Variants in SLCO4A1 observed in about 807,000 individuals in gnomAD.
SLCO4A1 encodes colon organic anion transporter.
SLCO4A1 carries 51 observed loss-of-function variants against 64.6 expected under a neutral mutation model. The ratio of observed to expected loss-of-function variants is 0.79; its 90% CI spans 0.63 to 1.00. The LOEUF (loss-of-function observed/expected upper bound fraction) is 1.00, where lower values mean the gene tolerates loss of function less well. Among genes scored for constraint, SLCO4A1 ranks in the 50% least tolerant of loss-of-function variants. The pLI is 0.00. For missense variants in SLCO4A1, 919 were observed against 980.5 expected, an observed-to-expected ratio of 0.94 and a Z score of 0.84; for synonymous variants, 471 against 444.9, an observed-to-expected ratio of 1.06 and a Z score of -0.74.
intron 2 of SLCO4A1, among the ~76,000 whole-genome samples, chr20:62,678,669 C>T (rs369186618): frequency 6.6e-6 from 1 of 152,024 alleles, no homozygotes; most frequent in African/African-American, 2.4e-5. Context: ...TTGGAAACCA[C>T]CCAAATGTCC....
intron 7 of SLCO4A1, chr20:62,666,782 G>A (rs1025057591): frequency 5.1e-6 from 3 of 593,042 alleles, no homozygotes; most frequent in Non-Finnish European, 9.0e-6. Context: ...CAGTGCCTGC[G>A]CTTGGGTCCC....
intron 9 of SLCO4A1, 26 bp from the exon 10 acceptor site, chr20:62,668,451 G>A (rs775551986): frequency 1.2e-6 from 2 of 1,612,982 alleles, no homozygotes; most frequent in East Asian, 2.2e-5. Flanking sequence ...TTCTGTGGGT[G>A]CTGACGCTGT....
intron 11 of SLCO4A1, among the ~76,000 whole-genome samples, chr20:62,671,176 G>A (rs948923711): frequency 1.3e-5 from 2 of 152,240 alleles, no homozygotes; most frequent in Non-Finnish European, 2.9e-5. Context: ...GTGGTGACCG[G>A]CGACTGGCTC....
At position 62,645,722 on chromosome 20, in the gene SLCO4A1, G is replaced by A. The variant is rs1262750162; in HGVS notation, c.-97+3169G>A. Among the ~76,000 whole-genome samples, 2 of 151,960 alleles carry A rather than the reference G, an allele frequency of 1.3e-5. No homozygotes were observed. The highest frequency in any genetic ancestry group is 2.9e-5 in the Non-Finnish European group (2 of 67,966). On this transcript the variant is annotated intron_variant, in intron 1 of 11. Transcript: ENST00000217159. This position sits in a 1 kb window ranked among gnomAD's most constrained non-coding sequence, Gnocchi z 4.2. ...TAGCCCAAGCGTAGGGTGAGACTTGGCACCAGTGGCTGGGGTCGCTTTTGG... is the reference window on the plus strand; with the variant it reads ...TAGCCCAAGCGTAGGGTGAGACTTGACACCAGTGGCTGGGGTCGCTTTTGG...
At chr20:62,674,283 C>T (rs550315272), downstream of SLCO4A1, among the ~76,000 whole-genome samples, 8 of 152,270 alleles carry the variant, frequency 5.3e-5, no homozygotes, top group Non-Finnish European at 1.2e-4. Flanking sequence ...ACTGAGCATC[C>T]GTGTGGAGGT....
Position 62,656,625 on chromosome 20 carries a change from G to A in SLCO4A1, c.171G>A (p.Gln57=). The change falls in exon 2 of 12, where the codon CAG becomes CAA. Residue 57 remains glutamine (Q), a synonymous_variant. Transcript: ENST00000217159. ...ATAGCCCCCTGGACACCAGCAAGCAGCCCCTCTGCCAGCTCTGGGCCGAGA... is the reference window on the plus strand; with the variant it reads ...ATAGCCCCCTGGACACCAGCAAGCAACCCCTCTGCCAGCTCTGGGCCGAGA... ...AAHSPLDTSK[Q]PLCQLWAEKH... is the part of the protein sequence containing the mutation. 3 of 1,600,914 alleles carry A rather than the reference G, an allele frequency of 1.9e-6. No individual in the cohort carries two copies. The highest frequency in any genetic ancestry group is 1.1e-5 in the South Asian group (1 of 89,432).
In SLCO4A1 at chr20:62,656,272, C is replaced by A. The variant is rs1193276364; in HGVS notation, c.-96-87C>A. 5.1e-6 allele frequency: 3 copies of A among 591,906 alleles called. No homozygotes were observed. The East Asian group carries it at 8.6e-5, about 17-fold the overall frequency. The allele number at this position is 591,906 out of a possible 1,614,324, so 36.7% of individuals were successfully genotyped here. ...GGCAGGCAGAGCTTTGAGCCACCCC[C>A]GTGATGGGTGTGCTGGAATGTTCCC... is the stretch of plus-strand genomic sequence containing the variant. On this transcript the variant is annotated intron_variant, in intron 1 of 11. Transcript: ENST00000217159.
rs567670164 is a variant in SLCO4A1 at position 62,657,104 on chromosome 20, C to A, written c.650C>A (p.Ala217Glu). The A allele has an allele frequency of 1.3e-6, 2 of 1,593,550 alleles. No homozygotes were observed. The highest frequency in any genetic ancestry group is 1.7e-6 in the Non-Finnish European group (2 of 1,172,266). The change falls in exon 2 of 12, where the codon GCG becomes GAG. Residue 217 changes from alanine to glutamate, a missense_variant. By Grantham distance (107) the Ala-to-Glu change is moderately radical. Transcript: ENST00000217159. ...CCTGCCAACCCCGGCGCGGTGTGTGCGGACAGCACCTCGGGCCTGTCCCGC... is the reference window on the plus strand; with the variant it reads ...CCTGCCAACCCCGGCGCGGTGTGTGAGGACAGCACCTCGGGCCTGTCCCGC... ...TCPANPGAVC[A>E]DSTSGLSRYQ...
At chr20:62,688,087 T>C (rs1325502433), downstream of SLCO4A1, among the ~76,000 whole-genome samples, 2 of 152,004 alleles carry the variant, frequency 1.3e-5, no homozygotes, top group Non-Finnish European at 2.9e-5. Flanking sequence ...CCAACTTCAT[T>C]GCCTTCCAGG....
downstream of SLCO4A1, among the ~76,000 whole-genome samples, chr20:62,688,403 TCA>T (rs1037949205): frequency 6.6e-6 from 1 of 151,780 alleles, no homozygotes; most frequent in Admixed American, 6.6e-5. Context: ...ATGACCCCAC[TCA>T]CCCCTGACCC....
At position 62,657,062 on chromosome 20, in the gene SLCO4A1, C is replaced by G. The variant is rs373700521; in HGVS notation, c.608C>G (p.Ala203Gly). The G allele has an allele frequency of 6.3e-7, 1 of 1,598,636 alleles. No individual in the cohort carries two copies. Among genetic ancestry groups the G allele is most frequent in the Non-Finnish European group, 8.5e-7 (1 of 1,171,588 alleles). ...TAGRYEVELD[A>G]GVRTCPANPG... Reference sequence around the variant, plus strand: ...GGCCGCTATGAGGTGGAGTTGGACGCGGGTGTCAGGACGTGCCCTGCCAAC... The same window carrying G: ...GGCCGCTATGAGGTGGAGTTGGACGGGGGTGTCAGGACGTGCCCTGCCAAC... Residue 203 changes from alanine (A) to glycine (G), a missense_variant, in exon 2 of 12, where the codon GCG becomes GGG. Transcript: ENST00000217159.
chr20:62,642,706 G>A (rs1305219868), intron 1 of SLCO4A1, among the ~76,000 whole-genome samples, 153 bp downstream of exon 1: 1 of 152,072 alleles, frequency 6.6e-6, no homozygotes, highest in Non-Finnish European at 1.5e-5. Flanking sequence ...CGAGCGCCCC[G>A]AGCCTCTCCG....
chr20:62,688,293 C>T (rs1295681303), downstream of SLCO4A1, among the ~76,000 whole-genome samples: 1 of 152,146 alleles, frequency 6.6e-6, no homozygotes, highest in African/African-American at 2.4e-5. Context: ...CCCGCGGCCC[C>T]CCACGAGGCC....
At chr20:62,673,226 TC>T (rs1987407257), downstream of SLCO4A1, among the ~76,000 whole-genome samples, 2 of 141,340 alleles carry the variant, frequency 1.4e-5, 1 homozygote, top group Admixed American at 1.4e-4. Flanking sequence ...GGGAGAAACT[TC>T]CCGAGGGAGG....
intron 2 of SLCO4A1, among the ~76,000 whole-genome samples, chr20:62,678,967 C>T (rs919367480): frequency 6.6e-6 from 1 of 152,170 alleles, no homozygotes; most frequent in African/African-American, 2.4e-5. Context: ...GCCTATAATG[C>T]CAGCACTTTG....
chr20:62,686,582 C>T (rs1988066678), downstream of SLCO4A1, among the ~76,000 whole-genome samples: 1 of 152,242 alleles, frequency 6.6e-6, no homozygotes, highest in Admixed American at 6.5e-5. Flanking sequence ...TCCCTGCCAG[C>T]TGAACACCAT....
chr20:62,645,838 C>T lies in SLCO4A1; in HGVS notation c.-97+3285C>T, dbSNP rs1331440598. The stretch of plus-strand genomic sequence containing the variant: ...GCCTTTTCTTGGTGGTTTTTCTAAT[C>T]TGGCAAGCCTTGGGGGGCACCTGAG... On this transcript the variant is annotated intron_variant, in intron 1 of 11. Coordinates refer to ENST00000217159, the MANE Select transcript of SLCO4A1 (RefSeq NM_016354.4). This position sits in a 1 kb window ranked among gnomAD's most constrained non-coding sequence, Gnocchi z 4.2. 6.6e-6 allele frequency among the ~76,000 whole-genome samples: 1 copy of T among 151,840 alleles called. No individual in the cohort carries two copies. The highest frequency in any genetic ancestry group is 1.5e-5 in the Non-Finnish European group (1 of 67,950).
At chr20:62,679,857 T>C (rs867236872) in intron 2 of SLCO4A1, among the ~76,000 whole-genome samples, 3 of 152,246 alleles carry the variant, frequency 2.0e-5, no homozygotes, top group Non-Finnish European at 4.4e-5. Flanking sequence ...ACTCCTCTGT[T>C]AAAACGTCAG....
At position 62,671,702 on chromosome 20, in the gene SLCO4A1, G is replaced by C. The variant is rs370573933; in HGVS notation, c.2026-48G>C. ...GGGACAGGCCCACCAGTATCCAAAG[G>C]CTCTGGCCGAGCTCCCCACGAGGTC... is the stretch of plus-strand genomic sequence containing the variant. On this transcript the variant is annotated intron_variant, in intron 11 of 11. Coordinates refer to ENST00000217159, the MANE Select transcript of SLCO4A1 (RefSeq NM_016354.4). 7.2e-5 allele frequency: 113 copies of C among 1,575,484 alleles called. 1 individual carries two copies. The African/African-American group carries it at 1.4e-3, about 19-fold the overall frequency.
Sources: allele counts gnomAD v4.1 joint callset (sites outside exome capture counted in the v4.1 genomes callset), GRCh38; gene constraint gnomAD v4.1.1; non-coding constraint Gnocchi (gnomAD v3.1); transcripts MANE v1.5; gene names NCBI Gene and HGNC (gene_info 2026-07-23, HGNC 2026-07-21).